The following NEIL2 variants were observed in gnomAD, a reference collection of about 807,000 sequenced individuals.
NEIL2 encodes endonuclease 8-like 2.
Under a neutral mutation model 22.2 loss-of-function variants are expected in NEIL2, and 23 were observed. The observed-to-expected ratio is 1.04, with a 90% confidence interval of 0.75 to 1.47. NEIL2 has a LOEUF of 1.47. Ranked by LOEUF, NEIL2 falls within the 40% of genes most tolerant of loss-of-function variation. The pLI is 0.00. For missense variants in NEIL2, 583 were observed against 404.7 expected, an observed-to-expected ratio of 1.44 and a Z score of -3.78; for synonymous variants, 229 against 164.8, an observed-to-expected ratio of 1.39 and a Z score of -2.99.
At chr8:11,782,362 T>C (rs939241395) in intron 3 of NEIL2, among the ~76,000 whole-genome samples, 4 of 152,228 alleles carry the variant, frequency 2.6e-5, no homozygotes, top group Admixed American at 2.6e-4. Flanking sequence ...GAGGAAGAGA[T>C]TGCAGTGAGC....
chr8:11,775,555 C>G (rs1229391708), intron 2 of NEIL2, among the ~76,000 whole-genome samples: 2 of 152,338 alleles, frequency 1.3e-5, no homozygotes, highest in East Asian at 1.9e-4. Context: ...CTCCTAGTTA[C>G]TTATGCAAAT....
intron 2 of NEIL2, among the ~76,000 whole-genome samples, chr8:11,772,695 G>C (rs765135014): frequency 3.9e-5 from 6 of 152,168 alleles, no homozygotes; most frequent in African/African-American, 1.2e-4. Flanking sequence ...GCTGAGTGCC[G>C]GCACGTAGGA....
At chr8:11,777,826 C>T (rs1414264482) in intron 2 of NEIL2, among the ~76,000 whole-genome samples, 2 of 152,260 alleles carry the variant, frequency 1.3e-5, no homozygotes, top group African/African-American at 2.4e-5. Flanking sequence ...AGTCCAAGGG[C>T]ATGGCATTGG....
Position 11,786,243 on chromosome 8 carries a change from A to T in NEIL2, c.969A>T (p.Ser323=), listed in dbSNP as rs777721799. 2 of 1,612,710 alleles carry T rather than the reference A, an allele frequency of 1.2e-6. No individual in the cohort carries two copies. The highest frequency in any genetic ancestry group is 1.7e-6 in the Non-Finnish European group (2 of 1,179,996). ...GCCCGCAGTGCCAGCCCCAGTTGTCAGAGGAGCCAGAGCAGTGCCAGTTCT... is the reference window on the plus strand; with the variant it reads ...GCCCGCAGTGCCAGCCCCAGTTGTCTGAGGAGCCAGAGCAGTGCCAGTTCT... The part of the protein sequence containing the change: ...WWCPQCQPQL[S]EEPEQCQFS Residue 323 remains serine (S), a synonymous_variant, in exon 5 of 5, where the codon TCA becomes TCT. Transcript: ENST00000284503.
intron 2 of NEIL2, among the ~76,000 whole-genome samples, chr8:11,776,608 C>T (rs919287354): frequency 6.6e-6 from 1 of 152,074 alleles, no homozygotes; most frequent in Non-Finnish European, 1.5e-5. Flanking sequence ...TTTTTAGTGT[C>T]TTCTGTAGTG....
chr8:11,778,939 A>G (rs1051465126), intron 2 of NEIL2, among the ~76,000 whole-genome samples: 3 of 95,306 alleles, frequency 3.1e-5, no homozygotes, highest in Non-Finnish European at 1.9e-5. Context: ...GCGAGACTCC[A>G]TCTGAAAAAA....
intron 2 of NEIL2, among the ~76,000 whole-genome samples, chr8:11,776,685 T>A (rs8191589): frequency 0.18 from 27,480 of 152,178 alleles, 2,737 homozygotes; most frequent in Non-Finnish European, 0.23. Context: ...CCTTCCATTT[T>A]TAACCTCTTG....
At position 11,783,259 on chromosome 8, in the gene NEIL2, C is replaced by G. The variant is rs778744059; in HGVS notation, c.548C>G (p.Ser183Cys). The change falls in exon 4 of 5, where the codon TCT becomes TGT. Residue 183 changes from serine to cysteine, a missense_variant. Coordinates refer to ENST00000284503, the MANE Select transcript of NEIL2 (RefSeq NM_145043.4). The part of the protein sequence containing the change: ...GFLAFYNCQL[S>C]WSSSPVVTPT... Reference sequence around the variant, plus strand: ...CTGGCATTTTATAATTGTCAGTTGTCTTGGAGCTCTTCCCCAGTGGTCACA... The same window carrying G: ...CTGGCATTTTATAATTGTCAGTTGTGTTGGAGCTCTTCCCCAGTGGTCACA... The G allele has an allele frequency of 3.7e-6, 6 of 1,614,244 alleles. No homozygotes were observed. In the East Asian group the frequency reaches 8.9e-5, roughly 24 times the overall value.
chr8:11,781,640 A>C (rs1214545694), intron 3 of NEIL2, among the ~76,000 whole-genome samples: 1 of 152,118 alleles, frequency 6.6e-6, no homozygotes, highest in East Asian at 1.9e-4. Flanking sequence ...CATTATTTTT[A>C]AATCTCTTTT....
At chr8:11,773,774 C>T (rs1803674195) in intron 2 of NEIL2, among the ~76,000 whole-genome samples, 1 of 152,084 alleles carries the variant, frequency 6.6e-6, no homozygotes, top group Non-Finnish European at 1.5e-5. Context: ...TGTCAGCTCT[C>T]CATTTTCTAT....
Sources: gnomAD v4.1 joint callset for allele counts (sites outside exome capture counted in the v4.1 genomes callset) on GRCh38, gnomAD v4.1.1 for gene constraint, MANE v1.5 for transcripts, NCBI Gene and HGNC (gene_info 2026-07-23, HGNC 2026-07-21) for gene names.